Variants in RBFOX1 observed in about 807,000 individuals in gnomAD.
The protein encoded by RBFOX1 is RNA binding protein fox-1 homolog 1.
In RBFOX1, 8 loss-of-function variants were observed where a neutral mutation model predicts 57.7. The ratio of observed to expected loss-of-function variants is 0.14; its 90% CI spans 0.08 to 0.25. The LOEUF is 0.25. RBFOX1 is among the 10% of genes least tolerant of loss of function. The probability of loss-of-function intolerance (pLI) is 1.00; values close to 1 mark genes in which losing one functional copy is unlikely to be tolerated. For synonymous variants in RBFOX1, 326 were observed against 222.4 expected, an observed-to-expected ratio of 1.47 and a Z score of -4.15; for missense variants, 611 against 548.5, an observed-to-expected ratio of 1.11 and a Z score of -1.14.
chr16:6,518,111 C>T (rs963150319), intron 2 of RBFOX1, among the ~76,000 whole-genome samples: 2 of 152,118 alleles, frequency 1.3e-5, no homozygotes, highest in African/African-American at 2.4e-5. Context: ...ACCATTCCTG[C>T]AATGGATGAA....
intron 13 of RBFOX1, among the ~76,000 whole-genome samples, chr16:7,668,445 A>C (rs9937902): frequency 0.35 from 52,705 of 152,010 alleles, 9,427 homozygotes; most frequent in Admixed American, 0.42. Context: ...CACGAAGGGA[A>C]AAAACCAGGA....
At chr16:5,858,109 T>C (rs1390662313) in intron 3 of RBFOX1, among the ~76,000 whole-genome samples, 1 of 152,132 alleles carries the variant, frequency 6.6e-6, no homozygotes, top group East Asian at 1.9e-4. Context: ...CAAGCTAAAT[T>C]TGGCAAGCTA....
intron 4 of RBFOX1, among the ~76,000 whole-genome samples, chr16:7,057,497 T>C (rs986566139): frequency 2.0e-5 from 3 of 152,188 alleles, no homozygotes; most frequent in African/African-American, 7.2e-5. Context: ...AGATGTATGT[T>C]GCATCGCTTT....
Position 5,578,279 on chromosome 16 carries a change from C to G in RBFOX1, c.259-20623C>G, listed in dbSNP as rs146608464. Among the ~76,000 whole-genome samples, 673 of 152,262 alleles carry G rather than the reference C, an allele frequency of 4.4e-3. 3 individuals are homozygous for G. Among genetic ancestry groups the G allele is most frequent in the African/African-American group, 0.015 (616 of 41,548 alleles). On this transcript the variant is annotated intron_variant, in intron 2 of 2. Coordinates refer to the RBFOX1 transcript ENST00000585867. ...GATTTGTGATGGATGACCTGGGCTT[C>G]TCACCTAGCCTCATTCATCAGGAGG...
intron 4 of RBFOX1, among the ~76,000 whole-genome samples, chr16:7,208,861 A>G (rs1019928607): frequency 3.3e-5 from 5 of 152,206 alleles, no homozygotes; most frequent in South Asian, 2.1e-4. Context: ...TAAACAGACA[A>G]AAAGCCCACC....
chr16:6,417,289 C>T (rs1010512800), intron 2 of RBFOX1, among the ~76,000 whole-genome samples: 2 of 151,724 alleles, frequency 1.3e-5, no homozygotes, highest in African/African-American at 2.4e-5. Context: ...GGATTACAGG[C>T]GTGAGCCACC....
intron 4 of RBFOX1, among the ~76,000 whole-genome samples, chr16:7,155,550 T>G (rs13330834): frequency 0.14 from 21,543 of 149,314 alleles, 1,790 homozygotes; most frequent in East Asian, 0.33. Context: ...GACTGGAGAT[T>G]GCACCACTGC....
Position 7,639,313 on chromosome 16 carries a change from C to T in RBFOX1, c.757+8630C>T, listed in dbSNP as rs184261209. Among the ~76,000 whole-genome samples the T allele has an allele frequency of 9.8e-4, 149 of 152,292 alleles. 1 individual carries two copies. Among genetic ancestry groups the T allele is most frequent in the African/African-American group, 3.3e-3 (136 of 41,558 alleles). On this transcript the variant is annotated intron_variant, in intron 11 of 15. Transcript: ENST00000550418. ...CTCTAAAAGATCCTCTGGGCTGGAC[C>T]CTTCCCATCAGGGAATCAGACACTC...
Position 6,819,705 on chromosome 16 carries a change from C to CAAAAAA in RBFOX1, c.-16+165076_-16+165081dup, listed in dbSNP as rs1181614275. ...GGGCAACAAGAGTGAAACTCTGACT[C>CAAAAAA]AAAAAAAAAAAAAAAAAAAAAAAAA... On this transcript the variant is annotated intron_variant, in intron 3 of 15. Coordinates refer to ENST00000550418, the MANE Select transcript of RBFOX1 (RefSeq NM_018723.4). 9.5e-3 allele frequency among the ~76,000 whole-genome samples: 194 copies of CAAAAAA among 20,488 alleles called. 3 individuals carry two copies. The highest frequency in any genetic ancestry group is 0.027 in the East Asian group (17 of 634). 13.4% of individuals were successfully genotyped at this position (20,488 alleles called of 152,430 possible).
intron 4 of RBFOX1, among the ~76,000 whole-genome samples, chr16:7,211,883 A>G (rs1366113620): frequency 6.6e-6 from 1 of 152,152 alleles, no homozygotes; most frequent in East Asian, 1.9e-4. Context: ...GCAAAATAAA[A>G]TTAGAAATGT....
intron 4 of RBFOX1, among the ~76,000 whole-genome samples, chr16:7,457,147 A>G (rs2058691442): frequency 6.6e-6 from 1 of 152,066 alleles, no homozygotes; most frequent in Non-Finnish European, 1.5e-5. Flanking sequence ...TCAGCCTCCC[A>G]AAGTGCTAGG....
At chr16:6,273,388 A>G (rs532461092) in intron 1 of RBFOX1, among the ~76,000 whole-genome samples, 105 of 109,180 alleles carry the variant, frequency 9.6e-4, no homozygotes, top group African/African-American at 3.5e-3. Flanking sequence ...GTTGTTGCCC[A>G]GGCTGGAGTG....
intron 3 of RBFOX1, among the ~76,000 whole-genome samples, chr16:6,813,893 G>C (rs1415656305): frequency 1.3e-5 from 2 of 152,054 alleles, no homozygotes; most frequent in African/African-American, 4.8e-5. Flanking sequence ...GTAATGAAGG[G>C]AGATAATGGT....
At chr16:7,391,835 G>A (rs1274234507) in intron 4 of RBFOX1, among the ~76,000 whole-genome samples, 1 of 152,118 alleles carries the variant, frequency 6.6e-6, no homozygotes, top group Non-Finnish European at 1.5e-5. Context: ...TGAATGAATG[G>A]GTTACACAAC....
chr16:6,813,321 C>T (rs912884274), intron 3 of RBFOX1, among the ~76,000 whole-genome samples: 24 of 152,146 alleles, frequency 1.6e-4, no homozygotes, highest in Non-Finnish European at 2.6e-4. Flanking sequence ...CGTTTCTAGC[C>T]TCCAGTTGAC....
At chr16:6,057,424 C>G (rs950868915) in intron 1 of RBFOX1, among the ~76,000 whole-genome samples, 1 of 152,058 alleles carries the variant, frequency 6.6e-6, no homozygotes, top group African/African-American at 2.4e-5. Context: ...ATTCTTCTCC[C>G]CACTGCTTAT....
chr16:5,882,404 C>T (rs1167026654), intron 4 of RBFOX1, among the ~76,000 whole-genome samples: 1 of 152,184 alleles, frequency 6.6e-6, no homozygotes, highest in African/African-American at 2.4e-5. Flanking sequence ...AAAAGTCATA[C>T]ATTACTTTTG....
intron 2 of RBFOX1, among the ~76,000 whole-genome samples, chr16:6,372,809 A>C (rs1476572367): frequency 6.6e-6 from 1 of 150,640 alleles, no homozygotes; most frequent in Non-Finnish European, 1.5e-5. Flanking sequence ...GATTGGGTGG[A>C]AGTATAACTG....
intron 3 of RBFOX1, among the ~76,000 whole-genome samples, chr16:5,819,589 C>T (rs546187777): frequency 2.8e-4 from 43 of 152,296 alleles, no homozygotes; most frequent in Admixed American, 9.1e-4. Flanking sequence ...TTATCTTCTG[C>T]CATTTACCTC....
Sources: gnomAD v4.1 joint callset for allele counts (sites outside exome capture counted in the v4.1 genomes callset) on GRCh38, gnomAD v4.1.1 for gene constraint, MANE v1.5 for transcripts, NCBI Gene and HGNC (gene_info 2026-07-23, HGNC 2026-07-21) for gene names.